Variants in DST observed in about 807,000 individuals in gnomAD.
DST encodes the protein bullous pemphigoid antigen.
DST carries 253 observed loss-of-function variants against 875.2 expected under a neutral mutation model. The observed-to-expected ratio is 0.29, with a 90% CI of 0.26 to 0.32. The LOEUF (loss-of-function observed/expected upper bound fraction) is 0.32. Among genes scored for constraint, DST ranks in the 10% least tolerant of loss-of-function variants. DST has a pLI of 1.00. For synonymous variants in DST, 3,124 were observed against 3,197.1 expected, an observed-to-expected ratio of 0.98 and a Z score of 0.77; for missense variants, 8,287 against 9,111.6, an observed-to-expected ratio of 0.91 and a Z score of 3.68.
chr6:56,841,867 C>T (rs2099800472), intron 4 of DST, among the ~76,000 whole-genome samples: 1 of 152,042 alleles, frequency 6.6e-6, no homozygotes, highest in East Asian at 1.9e-4. Flanking sequence ...ACACAAATGT[C>T]ACAAATGTGC....
intron 4 of DST, among the ~76,000 whole-genome samples, chr6:56,786,118 A>T (rs940232859): frequency 1.3e-5 from 2 of 152,132 alleles, no homozygotes; most frequent in African/African-American, 4.8e-5. Flanking sequence ...GCATGCACAT[A>T]TGTGCACGTG....
At chr6:56,476,118 T>C (rs1253355829) in intron 92 of DST, 31 bp downstream of exon 92, 2 of 1,536,804 alleles carry the variant, frequency 1.3e-6, no homozygotes, top group Non-Finnish European at 1.8e-6. Context: ...GAGATAATGG[T>C]TAACAGGAGT....
chr6:56,673,396 A>C (rs1233624927), intron 9 of DST, among the ~76,000 whole-genome samples: 1 of 152,212 alleles, frequency 6.6e-6, no homozygotes, highest in Non-Finnish European at 1.5e-5. Flanking sequence ...AGTATGTATA[A>C]TGACAGATAG....
At chr6:56,733,746 T>G (rs2099511658) in intron 5 of DST, among the ~76,000 whole-genome samples, 1 of 151,486 alleles carries the variant, frequency 6.6e-6, no homozygotes, top group African/African-American at 2.4e-5. Flanking sequence ...AATATACCTT[T>G]TACAAAAATG....
chr6:56,557,979 A>G (rs1285509376), intron 58 of DST, among the ~76,000 whole-genome samples: 1 of 152,182 alleles, frequency 6.6e-6, no homozygotes. Flanking sequence ...GCTGCTGGAA[A>G]GTTCCCGTAG....
At position 56,670,764 on chromosome 6, in the gene DST, G is replaced by A; in HGVS notation, c.1091C>T (p.Ala364Val). The part of the protein sequence containing the change: ...HVTGESEDMS[A>V]KERLLLWTQQ... ...CGTCCAGAGTAGCAATCTCTCTTTT[G>A]CAGACATATCCTCTGACTCTCCAGT... The change falls in exon 10 of 104, where the codon GCA becomes GTA. Residue 364 changes from alanine to valine, a missense_variant. This residue lies in a region of DST where 1,160 missense variants were observed against 1,424.3 expected (regional missense o/e 0.81). Coordinates refer to ENST00000680361, the MANE Select transcript of DST (RefSeq NM_001374736.1). The A allele has an allele frequency of 6.2e-7, 1 of 1,608,596 alleles. No homozygotes were observed.
chr6:56,902,416 G>A (rs1389737685), intron 2 of DST, among the ~76,000 whole-genome samples: 1 of 152,204 alleles, frequency 6.6e-6, no homozygotes, highest in Non-Finnish European at 1.5e-5. Flanking sequence ...AGATAAATGT[G>A]TACAGTGGGA....
intron 4 of DST, among the ~76,000 whole-genome samples, chr6:56,755,160 C>T (rs1213477608): frequency 2.0e-5 from 3 of 150,052 alleles, no homozygotes; most frequent in African/African-American, 7.4e-5. Flanking sequence ...AGACATTAGA[C>T]ACTAAATAGG....
rs147585204 is a variant in DST at position 56,665,803 on chromosome 6, T to C, written c.1214+4838A>G. Among the ~76,000 whole-genome samples, 373 of 152,262 alleles carry C rather than the reference T, an allele frequency of 2.4e-3. 1 individual carries two copies. The highest frequency in any genetic ancestry group is 8.7e-3 in the African/African-American group (360 of 41,554). ...CTCAGCATCATGCAATATACCCAAG[T>C]AACAAACCTGCACATATACCCCTAG... On this transcript the variant is annotated intron_variant, in intron 10 of 103. Coordinates refer to ENST00000680361, the MANE Select transcript of DST (RefSeq NM_001374736.1).
chr6:56,635,346 C>T lies in DST; in HGVS notation c.3186+243G>A, dbSNP rs78578315. Among the ~76,000 whole-genome samples, 9,381 of 151,930 alleles carry T rather than the reference C, an allele frequency of 0.062. 916 individuals carry two copies. The highest frequency in any genetic ancestry group is 0.21 in the African/African-American group (8,611 of 41,368). On this transcript the variant is annotated intron_variant, in intron 24 of 103. Coordinates refer to ENST00000680361, the MANE Select transcript of DST (RefSeq NM_001374736.1). ...AGTATTTGCAAAATGAATAACTAAA[C>T]ACACACGTGCACACACACACACACG...
intron 5 of DST, among the ~76,000 whole-genome samples, chr6:56,720,824 A>G (rs2099411940): frequency 6.6e-6 from 1 of 152,058 alleles, no homozygotes; most frequent in African/African-American, 2.4e-5. Context: ...CTATTGGACA[A>G]AACCGCCATC....
chr6:56,899,942 A>G (rs1487341266), intron 3 of DST, among the ~76,000 whole-genome samples: 1 of 152,204 alleles, frequency 6.6e-6, no homozygotes, highest in Non-Finnish European at 1.5e-5. Context: ...GAGTTACCCT[A>G]GGCTGGGTGT....
intron 78 of DST, among the ~76,000 whole-genome samples, chr6:56,502,332 A>G (rs1276333812): frequency 6.6e-6 from 1 of 152,198 alleles, no homozygotes; most frequent in Non-Finnish European, 1.5e-5. Flanking sequence ...ATTTATTTTA[A>G]TATGTAACAG....
chr6:56,926,650 G>C (rs1157875817), intron 2 of DST, among the ~76,000 whole-genome samples: 1 of 152,170 alleles, frequency 6.6e-6, no homozygotes, highest in Admixed American at 6.5e-5. Context: ...ACAATAACAG[G>C]TGTTATTCCA....
intron 4 of DST, among the ~76,000 whole-genome samples, chr6:56,756,808 G>C (rs182707706): frequency 1.3e-5 from 2 of 152,166 alleles, no homozygotes; most frequent in African/African-American, 4.8e-5. Context: ...GACTAGATCA[G>C]CCATAAAAGA....
At chr6:56,642,653 T>C (rs776383860) in intron 15 of DST, 150 bp from the exon 16 acceptor site, 2 of 1,614,180 alleles carry the variant, frequency 1.2e-6, no homozygotes, top group South Asian at 1.1e-5. Context: ...CTGCCGAAGC[T>C]AATGCAAGAG....
intron 2 of DST, among the ~76,000 whole-genome samples, chr6:56,904,143 T>C (rs994686795): frequency 6.6e-6 from 1 of 152,236 alleles, no homozygotes; most frequent in Non-Finnish European, 1.5e-5. Flanking sequence ...CTATGGATAT[T>C]ACTTGTGTGA....
chr6:56,740,116 A>G (rs1410803997), intron 4 of DST, among the ~76,000 whole-genome samples: 2 of 152,246 alleles, frequency 1.3e-5, no homozygotes, highest in Admixed American at 6.5e-5. Flanking sequence ...TCGGCCTCCC[A>G]AAGTGTTGGG....
intron 4 of DST, among the ~76,000 whole-genome samples, chr6:56,799,359 T>C (rs1460210207): frequency 1.3e-5 from 2 of 151,008 alleles, no homozygotes; most frequent in African/African-American, 2.4e-5. Flanking sequence ...TATCTCTCTT[T>C]TTTTTTTTTT....
Sources: gnomAD v4.1 joint callset for allele counts (sites outside exome capture counted in the v4.1 genomes callset) on GRCh38, gnomAD v4.1.1 for gene constraint, gnomAD v4.1.1 regional missense constraint, MANE v1.5 for transcripts, NCBI Gene and HGNC (gene_info 2026-07-23, HGNC 2026-07-21) for gene names.